Variants in WDPCP observed in about 807,000 individuals in gnomAD.
WDPCP encodes WD repeat-containing and planar cell polarity effector protein fritz homolog.
WDPCP carries 71 observed loss-of-function variants against 93.1 expected under a neutral mutation model. The ratio of observed to expected loss-of-function variants is 0.76; its 90% confidence interval spans 0.63 to 0.93. WDPCP has a LOEUF of 0.93. Ranked by LOEUF, WDPCP falls within the 40% of genes least tolerant of loss-of-function variation. The probability of loss-of-function intolerance (pLI) is 0.00; values close to 1 mark genes in which losing one functional copy is unlikely to be tolerated. For synonymous variants in WDPCP, 315 were observed against 315.0 expected, an observed-to-expected ratio of 1.00 and a Z score of 0.00; for missense variants, 844 against 887.4, an observed-to-expected ratio of 0.95 and a Z score of 0.62.
intron 6 of WDPCP, among the ~76,000 whole-genome samples, chr2:63,458,385 T>G (rs779321010): frequency 6.6e-6 from 1 of 151,718 alleles, no homozygotes; most frequent in African/African-American, 2.4e-5. Context: ...GATACAAAAA[T>G]CAACATATAA....
intron 13 of WDPCP, among the ~76,000 whole-genome samples, chr2:63,312,970 T>A (rs1686291494): frequency 6.6e-6 from 1 of 151,942 alleles, no homozygotes; most frequent in African/African-American, 2.4e-5. Context: ...TGTCATCCCC[T>A]TGCATCAAGG....
At chr2:63,568,355 CA>C (rs34633887) in intron 1 of WDPCP, among the ~76,000 whole-genome samples, 118,593 of 149,560 alleles carry the variant, frequency 0.79, 47,557 homozygotes, top group East Asian at 0.97. Context: ...AAAAAAAAAA[CA>C]AAAAAAAACC....
At chr2:63,728,007 A>C (rs1462954232) in intron 2 of WDPCP, among the ~76,000 whole-genome samples, 1 of 152,194 alleles carries the variant, frequency 6.6e-6, no homozygotes, top group Non-Finnish European at 1.5e-5. Flanking sequence ...CAGTACTACA[A>C]ATTTCAGAAA....
intron 2 of WDPCP, among the ~76,000 whole-genome samples, chr2:63,770,927 G>C (rs1261688162): frequency 1.3e-5 from 2 of 151,798 alleles, no homozygotes; most frequent in African/African-American, 2.4e-5. Context: ...GTTTTCATTT[G>C]AGATAAACAT....
chr2:63,210,477 G>T (rs1321972863), intron 14 of WDPCP, among the ~76,000 whole-genome samples: 2 of 152,192 alleles, frequency 1.3e-5, no homozygotes, highest in Non-Finnish European at 2.9e-5. Context: ...GTAGGGGGAA[G>T]TTCCAAGATG....
intron 13 of WDPCP, among the ~76,000 whole-genome samples, chr2:63,263,203 A>G (rs985207525): frequency 6.6e-6 from 1 of 152,148 alleles, no homozygotes; most frequent in African/African-American, 2.4e-5. Context: ...TTCGTTTAAT[A>G]ATTTTTGATA....
chr2:63,337,385 C>T (rs1178261741), intron 12 of WDPCP, among the ~76,000 whole-genome samples: 1 of 152,064 alleles, frequency 6.6e-6, no homozygotes, highest in Non-Finnish European at 1.5e-5. Flanking sequence ...TCCATCCATC[C>T]ATTAATGGGC....
intron 17 of WDPCP, among the ~76,000 whole-genome samples, chr2:63,142,820 GTGTGT>G (rs1559150080): frequency 1.6e-3 from 41 of 26,298 alleles, no homozygotes; most frequent in African/African-American, 4.2e-3. Context: ...TGTTAGGGGT[GTGTGT>G]GTGTGTGTGT....
rs181941243 is a variant in WDPCP at position 63,159,731 on chromosome 2, G to C, written c.2079-6157C>G. 2.3e-3 allele frequency among the ~76,000 whole-genome samples: 345 copies of C among 152,282 alleles called. 2 individuals carry two copies. The highest frequency in any genetic ancestry group is 5.0e-4 in the Non-Finnish European group (34 of 68,022). ...TTTGTCGTGCTATTTGGTGATATCT[G>C]CAGTGCTGTCAGTGTGTGTACCATC... On this transcript the variant is annotated intron_variant, in intron 15 of 17. Transcript: ENST00000272321.
intron 15 of WDPCP, among the ~76,000 whole-genome samples, chr2:63,169,743 A>G (rs1673241774): frequency 6.6e-6 from 1 of 151,636 alleles, no homozygotes; most frequent in Non-Finnish European, 1.5e-5. Context: ...TTTTTCTTTG[A>G]CTTTTTTACT....
rs372100949 is a variant in WDPCP at position 63,769,803 on chromosome 2, GA to G, written n.308+43818del. Among the ~76,000 whole-genome samples the G allele has an allele frequency of 4.1e-3, 629 of 151,886 alleles. 3 individuals are homozygous for G. Among genetic ancestry groups the G allele is most frequent in the African/African-American group, 0.014 (588 of 41,472 alleles). On this transcript the variant is annotated intron_variant and non_coding_transcript_variant, in intron 2 of 4. Coordinates refer to the WDPCP transcript ENST00000467687. ...TAATTCACATTTCAAGGTTGATGGG[GA>G]AAAAAATGAATACATTGCTGGTGGG...
chr2:63,728,312 T>A (rs1669518293), intron 2 of WDPCP, among the ~76,000 whole-genome samples: 1 of 152,224 alleles, frequency 6.6e-6, no homozygotes, highest in Admixed American at 6.5e-5. Context: ...GTATGGCTCC[T>A]ATTCAAAGGA....
At chr2:63,395,981 G>A (rs1693697234) in intron 10 of WDPCP, among the ~76,000 whole-genome samples, 3 of 152,048 alleles carry the variant, frequency 2.0e-5, no homozygotes. Flanking sequence ...CGCCCACCTC[G>A]GCCTCCTAAA....
intron 2 of WDPCP, among the ~76,000 whole-genome samples, chr2:63,804,594 T>C (rs887331729): frequency 2.6e-5 from 4 of 151,252 alleles, no homozygotes; most frequent in East Asian, 3.9e-4. Flanking sequence ...GTCCTTCTCC[T>C]TGCTGCAAGG....
chr2:63,597,699 G>A (rs1432355292), intron 3 of WDPCP: 17 of 835,324 alleles, frequency 2.0e-5, no homozygotes, highest in Admixed American at 4.3e-5. Context: ...CAGTAAATAC[G>A]GCTCTAGAGT....
chr2:63,706,116 C>T (rs988064300), intron 2 of WDPCP, among the ~76,000 whole-genome samples: 4 of 152,146 alleles, frequency 2.6e-5, no homozygotes, highest in Non-Finnish European at 5.9e-5. Flanking sequence ...ACTAGGATTG[C>T]AACCCCTGCA....
intron 6 of WDPCP, chr2:63,442,198 T>C (rs562255086): frequency 2.0e-5 from 3 of 152,292 alleles, no homozygotes; most frequent in Admixed American, 1.3e-4. Context: ...AAAATCAATA[T>C]TGGCTACTTG....
At chr2:63,130,954 T>G (rs976254697) in intron 17 of WDPCP, among the ~76,000 whole-genome samples, 1 of 152,140 alleles carries the variant, frequency 6.6e-6, no homozygotes, top group Non-Finnish European at 1.5e-5. Flanking sequence ...TCCTTCCTAG[T>G]CTCTTGTGAT....
At chr2:63,597,518 A>C in intron 3 of WDPCP, 11 of 1,508,412 alleles carry the variant, frequency 7.3e-6, no homozygotes, top group Non-Finnish European at 9.8e-6. Flanking sequence ...AGCAAATGTG[A>C]AAATCTTCAA....
Sources: allele counts gnomAD v4.1 joint callset (sites outside exome capture counted in the v4.1 genomes callset), GRCh38; gene constraint gnomAD v4.1.1; transcripts MANE v1.5; gene names NCBI Gene and HGNC (gene_info 2026-07-23, HGNC 2026-07-21).